HADH: variants seen among roughly 807,000 people sequenced by gnomAD.
HADH encodes the protein hydroxyacyl-CoA dehydrogenase.
In HADH, 24 loss-of-function variants were observed where a neutral mutation model predicts 32.2. That is an observed-to-expected ratio of 0.75 (90% CI 0.54 to 1.05). The LOEUF (loss-of-function observed/expected upper bound fraction) is 1.05. HADH is among the 50% of genes least tolerant of loss of function. The pLI is 0.00. For synonymous variants in HADH, 139 were observed against 152.5 expected (o/e 0.91, Z 0.65); for missense variants, 350 against 397.1 (o/e 0.88, Z 1.01).
At chr4:108,004,203 A>G (rs1466287246) in intron 1 of HADH, among the ~76,000 whole-genome samples, 2 of 152,214 alleles carry the variant, frequency 1.3e-5, no homozygotes, top group African/African-American at 4.8e-5. Context: ...TCTTGAGAGT[A>G]GGGGATTTTG....
chr4:108,027,386 A>T (rs1486508261), intron 5 of HADH: 3 of 468,018 alleles, frequency 6.4e-6, no homozygotes, highest in Middle Eastern at 6.1e-4. Flanking sequence ...TTCAAGATTG[A>T]ACCCAAATCT....
At chr4:108,005,657 A>G (rs78871606) in intron 1 of HADH, among the ~76,000 whole-genome samples, 112 of 152,386 alleles carry the variant, frequency 7.3e-4, no homozygotes, top group African/African-American at 2.6e-3. Flanking sequence ...AACAAACTGC[A>G]TAACTAAAGT....
At chr4:107,998,196 A>G (rs138285898) in intron 1 of HADH, among the ~76,000 whole-genome samples, 2 of 152,326 alleles carry the variant, frequency 1.3e-5, no homozygotes, top group Non-Finnish European at 2.9e-5. Flanking sequence ...TGGTACACAG[A>G]TGCAGGGATG....
chr4:108,011,958 C>CAGTGGCT lies in HADH; in HGVS notation c.261+2072_261+2073insGTGGCTA, dbSNP rs1735510516. Among the ~76,000 whole-genome samples, 5 of 152,158 alleles carry CAGTGGCT rather than the reference C, an allele frequency of 3.3e-5. 1 individual carries two copies. Among genetic ancestry groups the CAGTGGCT allele is most frequent in the African/African-American group, 1.2e-4 (5 of 41,508 alleles). ...CCAGGCTGGAGAGCAGTGGCATGAT[C>CAGTGGCT]ATAGTTCACTATAGCCTTGAACTCC... On this transcript the variant is annotated intron_variant, in intron 2 of 7. Coordinates refer to ENST00000309522, the MANE Select transcript of HADH (RefSeq NM_005327.7).
chr4:108,014,374 GA>G (rs1197599934), intron 2 of HADH, 56 bp from the exon 3 acceptor site: 7 of 1,605,170 alleles, frequency 4.4e-6, no homozygotes, highest in Non-Finnish European at 6.0e-6. Context: ...CTAAGAACTT[GA>G]AAGATAATTT....
At chr4:107,996,358 C>T (rs764302166) in intron 1 of HADH, among the ~76,000 whole-genome samples, 2 of 152,106 alleles carry the variant, frequency 1.3e-5, no homozygotes, top group African/African-American at 2.4e-5. Flanking sequence ...TTAAATATAA[C>T]GATGCTGTTG....
chr4:108,005,061 A>G, intron 1 of HADH: 1 of 566,410 alleles, frequency 1.8e-6, no homozygotes, highest in East Asian at 3.0e-5. Flanking sequence ...TTCTTTCTTT[A>G]TTTTCTGTAT....
chr4:108,000,737 G>A (rs1295622039), intron 1 of HADH, among the ~76,000 whole-genome samples: 2 of 152,220 alleles, frequency 1.3e-5, no homozygotes, highest in African/African-American at 4.8e-5. Context: ...AAGCAGCAAT[G>A]AGGGAGCCGG....
intron 1 of HADH, among the ~76,000 whole-genome samples, chr4:108,007,969 A>T (rs537831144): frequency 6.6e-6 from 1 of 152,202 alleles, no homozygotes; most frequent in African/African-American, 2.4e-5. Context: ...GATTGGGTTG[A>T]TCTCTGCACA....
Position 108,034,867 on chromosome 4 carries a change from T to C in HADH, c.*510T>C, listed in dbSNP as rs553611290. 7.6e-4 allele frequency: 188 copies of C among 247,998 alleles called. No homozygotes were observed. The highest frequency in any genetic ancestry group is 4.0e-3 in the African/African-American group (181 of 45,186). 15.4% of individuals were successfully genotyped at this position (247,998 alleles called of 1,614,324 possible). A position where few individuals can be genotyped will look rare whatever the true frequency, so the allele number is the denominator to read the frequency against. On this transcript the variant is annotated 3_prime_UTR_variant, in exon 8 of 8. Transcript: ENST00000309522. The stretch of plus-strand genomic sequence containing the variant: ...TGAGTCTTGCCCTACATTTTGGGCA[T>C]GACATAAGATGTGTCTTTATTCAGC...
chr4:108,002,189 G>A (rs1050938372), intron 1 of HADH, among the ~76,000 whole-genome samples: 3 of 152,092 alleles, frequency 2.0e-5, no homozygotes, highest in African/African-American at 7.2e-5. Flanking sequence ...CTGGTCCGTG[G>A]CCCATTAGGA....
intron 1 of HADH, chr4:108,004,897 T>A: frequency 6.5e-7 from 1 of 1,535,812 alleles, no homozygotes; most frequent in Non-Finnish European, 8.7e-7. Flanking sequence ...GAAGCCCAGC[T>A]GGGAGGCTAT....
intron 1 of HADH, among the ~76,000 whole-genome samples, chr4:108,002,428 C>G (rs1253273280): frequency 6.6e-6 from 1 of 152,082 alleles, no homozygotes. Context: ...TCCCATTATC[C>G]CCACATGGCA....
intron 1 of HADH, among the ~76,000 whole-genome samples, chr4:107,990,558 G>T (rs1471329462): frequency 3.9e-5 from 6 of 152,124 alleles, no homozygotes; most frequent in African/African-American, 1.2e-4. Flanking sequence ...CGGCCTCCCG[G>T]CTCTCCCCGG....
intron 1 of HADH, among the ~76,000 whole-genome samples, chr4:107,990,779 CTT>C (rs796909183): frequency 1.9e-4 from 24 of 123,418 alleles, no homozygotes; most frequent in Middle Eastern, 5.6e-3. Context: ...GTCGGAGTCT[CTT>C]TGACCCAGGC....
chr4:108,015,819 T>A (rs556765290), intron 3 of HADH, among the ~76,000 whole-genome samples: 1 of 152,116 alleles, frequency 6.6e-6, no homozygotes, highest in East Asian at 1.9e-4. Flanking sequence ...CACACTGGCA[T>A]CTAGAGGCTG....
chr4:108,017,157 A>G (rs1324913443), intron 3 of HADH, among the ~76,000 whole-genome samples: 2 of 152,208 alleles, frequency 1.3e-5, no homozygotes, highest in East Asian at 1.9e-4. Context: ...CAAATTTTAC[A>G]GTTCGATCCT....
At chr4:108,018,747 G>C (rs1446528763) in intron 3 of HADH, among the ~76,000 whole-genome samples, 2 of 152,146 alleles carry the variant, frequency 1.3e-5, no homozygotes, top group Admixed American at 6.5e-5. Flanking sequence ...TCAGCACCAG[G>C]CCTGTTTGTA....
At chr4:108,013,104 TGTATTTTTA>T (rs1735559260) in intron 2 of HADH, among the ~76,000 whole-genome samples, 1 of 152,222 alleles carries the variant, frequency 6.6e-6, no homozygotes, top group Non-Finnish European at 1.5e-5. Flanking sequence ...AGCAAATTTT[TGTATTTTTA>T]GTGGAGACGG....
Sources: allele counts gnomAD v4.1 joint callset (sites outside exome capture counted in the v4.1 genomes callset), GRCh38; gene constraint gnomAD v4.1.1; transcripts MANE v1.5; gene names NCBI Gene and HGNC (gene_info 2026-07-23, HGNC 2026-07-21).